Variants in SCN7A observed in about 807,000 individuals in gnomAD.
The protein encoded by SCN7A is sodium voltage-gated channel alpha subunit 7, also known as sodium channel protein type 7 subunit alpha.
Under a neutral mutation model 155.2 loss-of-function variants are expected in SCN7A, and 138 were observed. The observed-to-expected ratio is 0.89, with a 90% CI of 0.77 to 1.02. The LOEUF is 1.02. Ranked by LOEUF, SCN7A falls within the 50% of genes least tolerant of loss-of-function variation. SCN7A has a pLI of 0.00. For synonymous variants in SCN7A, 693 were observed against 649.0 expected, an observed-to-expected ratio of 1.07 and a Z score of -1.03; for missense variants, 2,058 against 1,986.6, an observed-to-expected ratio of 1.04 and a Z score of -0.68.
intron 9 of SCN7A, among the ~76,000 whole-genome samples, chr2:166,464,113 T>G (rs1359700350): frequency 6.6e-6 from 1 of 151,354 alleles, no homozygotes; most frequent in Admixed American, 6.6e-5. Context: ...ACGACATACA[T>G]ATGTGTATAT....
At position 166,412,619 on chromosome 2, in the gene SCN7A, A is replaced by T. The variant is rs1575000922; in HGVS notation, c.3517T>A (p.Phe1173Ile). 1 of 1,524,542 alleles carries T rather than the reference A, an allele frequency of 6.6e-7. No homozygotes were observed. The highest frequency in any genetic ancestry group is 2.5e-5 in the East Asian group (1 of 39,918). The allele number at this position is 1,524,542 out of a possible 1,614,324, so 94.4% of individuals were successfully genotyped here. A position where few individuals can be genotyped will look rare whatever the true frequency, so the allele number is the denominator to read the frequency against. ...ACTCCAAATATAATAAAGTTGATAA[A>T]GTAACAATACATGTAGATGTTGACT... is the stretch of plus-strand genomic sequence containing the variant. ...FEVNIYMYCY[F>I]INFIIFGVFL... Residue 1173 changes from phenylalanine to isoleucine, a missense_variant, in exon 23 of 26, where the codon TTT (phenylalanine) becomes ATT (isoleucine). Physicochemically the swap from Phe to Ile is conservative, Grantham distance 21. Transcript: ENST00000643258.
intron 18 of SCN7A, among the ~76,000 whole-genome samples, chr2:166,425,022 T>A (rs1701592157): frequency 6.6e-6 from 1 of 152,106 alleles, no homozygotes; most frequent in Non-Finnish European, 1.5e-5. Flanking sequence ...ATGTTTCCAC[T>A]CCTAGAGGGA....
chr2:166,412,517 T>C lies in SCN7A; in HGVS notation c.3606+13A>G, dbSNP rs1445055073. Reference sequence around the variant, plus strand: ...TCTCAGACATTGGATAAACAAATAATATTTATACTTATCTTTATTTTATGC... The same window carrying C: ...TCTCAGACATTGGATAAACAAATAACATTTATACTTATCTTTATTTTATGC... On this transcript the variant is annotated intron_variant, in intron 23 of 25. Transcript: ENST00000643258. The C allele has an allele frequency of 9.0e-6, 13 of 1,444,280 alleles. No individual in the cohort carries two copies. In the East Asian group the frequency reaches 3.3e-4, roughly 36 times the overall value. 89.5% of individuals were successfully genotyped at this position (1,444,280 alleles called of 1,614,324 possible). A position where few individuals can be genotyped will look rare whatever the true frequency, so the allele number is the denominator to read the frequency against.
intron 10 of SCN7A, among the ~76,000 whole-genome samples, chr2:166,461,132 A>G (rs1702399276): frequency 7.1e-6 from 1 of 141,694 alleles, no homozygotes; most frequent in African/African-American, 2.7e-5. Context: ...ATTTAACAAT[A>G]TATTATGAAA....
intron 15 of SCN7A, among the ~76,000 whole-genome samples, chr2:166,439,971 G>A (rs1701923187): frequency 6.6e-6 from 1 of 152,072 alleles, no homozygotes; most frequent in Admixed American, 6.6e-5. Context: ...TTTATGACAT[G>A]AGTAAAAAGA....
rs1701160099 is a variant in SCN7A, at chr2:166,409,892, G to A, written c.3755C>T (p.Ala1252Val). 5.1e-6 allele frequency: 8 copies of A among 1,568,962 alleles called. No individual in the cohort carries two copies. The highest frequency in any genetic ancestry group is 1.9e-5 in the Admixed American group (1 of 53,704). ...AAGAACCATAACAATGACATTAAAA[G>A]CTTGGCTTGTTACCACATCAAAGAT... ...GFIFDVVTSQ[A>V]FNVIVMVLIC... The change falls in exon 25 of 26, where the codon GCT becomes GTT. Residue 1252 changes from alanine (A) to valine (V), a missense_variant. Transcript: ENST00000643258.
chr2:166,450,466 G>A (rs1405556409), intron 11 of SCN7A, among the ~76,000 whole-genome samples: 2 of 151,890 alleles, frequency 1.3e-5, no homozygotes, highest in Non-Finnish European at 2.9e-5. Context: ...TAAAATAAAA[G>A]TTGAGAAAAA....
chr2:166,409,023 A>G (rs769361215), intron 25 of SCN7A, among the ~76,000 whole-genome samples: 4 of 152,068 alleles, frequency 2.6e-5, no homozygotes, highest in Non-Finnish European at 5.9e-5. Context: ...TGACTTCCCT[A>G]CCATAACCTT....
intron 1 of SCN7A, among the ~76,000 whole-genome samples, chr2:166,489,814 T>G (rs1298160689): frequency 6.6e-6 from 1 of 152,210 alleles, no homozygotes; most frequent in Admixed American, 6.5e-5. Context: ...AATTCTGGAC[T>G]CAACTTTCTC....
chr2:166,433,026 C>T (rs1041555727), intron 15 of SCN7A, among the ~76,000 whole-genome samples: 7 of 152,114 alleles, frequency 4.6e-5, no homozygotes, highest in African/African-American at 1.7e-4. Flanking sequence ...TGGTAACCAT[C>T]ATTCTGCTCT....
At chr2:166,451,807 C>T (rs916857905) in intron 11 of SCN7A, among the ~76,000 whole-genome samples, 1 of 152,158 alleles carries the variant, frequency 6.6e-6, no homozygotes, top group Non-Finnish European at 1.5e-5. Context: ...GCCCCAGTTT[C>T]CTTTAATTTA....
intron 19 of SCN7A, 51 bp downstream of exon 19, chr2:166,423,208 G>A: frequency 1.3e-6 from 2 of 1,548,884 alleles, no homozygotes; most frequent in Non-Finnish European, 1.8e-6. Flanking sequence ...GAGTAAGAGT[G>A]AGGAAGAAAA....
intron 2 of SCN7A, among the ~76,000 whole-genome samples, chr2:166,485,506 G>A (rs549905696): frequency 6.6e-6 from 1 of 152,226 alleles, no homozygotes; most frequent in East Asian, 1.9e-4. Context: ...AAGGCTTAAT[G>A]GCAGTTGAAA....
chr2:166,425,854 G>A (rs34611879), intron 18 of SCN7A, among the ~76,000 whole-genome samples: 15,095 of 152,096 alleles, frequency 0.099, 1,022 homozygotes, highest in Non-Finnish European at 0.15. Flanking sequence ...AAGGTTCTGG[G>A]GATTATGTCA....
At chr2:166,440,922 A>C (rs187453828) in intron 15 of SCN7A, 57 of 163,916 alleles carry the variant, frequency 3.5e-4, no homozygotes, top group African/African-American at 1.3e-3. Context: ...TATGCTAGAC[A>C]AAGGGATGTT....
intron 15 of SCN7A, among the ~76,000 whole-genome samples, chr2:166,437,053 T>C (rs1266392996): frequency 6.6e-6 from 1 of 152,202 alleles, no homozygotes; most frequent in Non-Finnish European, 1.5e-5. Context: ...GAGCCAAATA[T>C]TAATCACCAA....
intron 9 of SCN7A, among the ~76,000 whole-genome samples, chr2:166,464,427 G>A (rs982055337): frequency 6.6e-6 from 1 of 152,068 alleles, no homozygotes; most frequent in Non-Finnish European, 1.5e-5. Flanking sequence ...TTGCTGAGAA[G>A]TGCCCTGTTT....
At chr2:166,467,166 A>G (rs1342719980) in intron 7 of SCN7A, among the ~76,000 whole-genome samples, 1 of 151,840 alleles carries the variant, frequency 6.6e-6, no homozygotes, top group Admixed American at 6.6e-5. Context: ...ACACATGTTC[A>G]CATAGTTTTC....
At chr2:166,450,532 T>G (rs1446725737) in intron 11 of SCN7A, among the ~76,000 whole-genome samples, 1 of 152,200 alleles carries the variant, frequency 6.6e-6, no homozygotes, top group Non-Finnish European at 1.5e-5. Context: ...ACGGGTGTGG[T>G]GGCTCACGCC....
Sources: gnomAD v4.1 joint callset for allele counts (sites outside exome capture counted in the v4.1 genomes callset) on GRCh38, gnomAD v4.1.1 for gene constraint, MANE v1.5 for transcripts, NCBI Gene and HGNC (gene_info 2026-07-23, HGNC 2026-07-21) for gene names.